Variants in TSHZ3 observed in about 807,000 individuals in gnomAD.
The protein encoded by TSHZ3 is teashirt zinc finger homeobox 3.
In TSHZ3, 10 loss-of-function variants were observed where a neutral mutation model predicts 64.5. The observed-to-expected ratio is 0.16, with a 90% CI of 0.10 to 0.26. The LOEUF is 0.26. Among genes scored for constraint, TSHZ3 ranks in the 10% least tolerant of loss-of-function variants. TSHZ3 has a pLI of 1.00. For missense variants in TSHZ3, 1,242 were observed against 1,421.7 expected (o/e 0.87, Z 2.03); for synonymous variants, 608 against 593.1 (o/e 1.03, Z -0.36).
At chr19:31,294,436 C>T (rs1052970428) in intron 1 of TSHZ3, among the ~76,000 whole-genome samples, 2 of 152,088 alleles carry the variant, frequency 1.3e-5, no homozygotes, top group Non-Finnish European at 2.9e-5. Flanking sequence ...CAGTACTCAG[C>T]ACTCACTCAG....
At chr19:31,260,210 C>T (rs908190686) in intron 1 of TSHZ3, among the ~76,000 whole-genome samples, 7 of 152,108 alleles carry the variant, frequency 4.6e-5, no homozygotes, top group African/African-American at 7.2e-5. Context: ...GCAACTTCTA[C>T]TCCCCTCTGC....
At chr19:31,315,118 T>TC (rs1256732054) in intron 1 of TSHZ3, among the ~76,000 whole-genome samples, 17 of 152,192 alleles carry the variant, frequency 1.1e-4, no homozygotes, top group Non-Finnish European at 2.4e-4. Context: ...ACCTATGCTC[T>TC]CCCCGAGCGG....
At chr19:31,252,211 G>A (rs2145192280) in intron 1 of TSHZ3, among the ~76,000 whole-genome samples, 1 of 152,322 alleles carries the variant, frequency 6.6e-6, no homozygotes, top group East Asian at 1.9e-4. Context: ...TGCTCCCTCA[G>A]GCTTCAGGGG....
rs370354634 is a variant in TSHZ3, at chr19:31,278,393, T to C, written c.1400A>G (p.Asn467Ser). 18 of 1,614,066 alleles carry C rather than the reference T, an allele frequency of 1.1e-5. No individual in the cohort carries two copies. Among genetic ancestry groups the C allele is most frequent in the Non-Finnish European group, 1.5e-5 (18 of 1,180,016 alleles). The change falls in exon 2 of 2, where the codon AAT (asparagine) becomes AGT (serine). Residue 467 changes from asparagine (N) to serine (S), a missense_variant. By Grantham distance (46) the Asn-to-Ser change is conservative. Around this residue, in one of 4 missense-constraint regions of TSHZ3, gnomAD observed 555 missense variants for 704.0 expected, o/e 0.79. Transcript: ENST00000240587. The surrounding 1 kb of genome is among the most constrained non-coding windows in gnomAD (Gnocchi z 4.7). Reference sequence around the variant, plus strand: ...GTCGACTTCCTTCTTGACCTCCACATTCAGTTTTGGGGAGATGCTGGCAGG... The same window carrying C: ...GTCGACTTCCTTCTTGACCTCCACACTCAGTTTTGGGGAGATGCTGGCAGG... The part of the protein sequence containing the change: ...NTPASISPKL[N>S]VEVKKEVDKE...
At chr19:31,200,334 A>G (rs1035998976) in intron 5 of TSHZ3, among the ~76,000 whole-genome samples, 13 of 152,218 alleles carry the variant, frequency 8.5e-5, no homozygotes, top group Admixed American at 5.2e-4. Flanking sequence ...GTTCTTGAGT[A>G]GGTGAATGGA....
At chr19:31,248,741 G>T (rs1455956008) in intron 1 of TSHZ3, among the ~76,000 whole-genome samples, 1 of 147,848 alleles carries the variant, frequency 6.8e-6, no homozygotes, top group Non-Finnish European at 1.5e-5. Context: ...CAGTAGCCAT[G>T]ATCGCACCAC....
At chr19:31,150,716 T>C (rs528282007) in exon 7 of TSHZ3, among the ~76,000 whole-genome samples, 19 of 152,300 alleles carry the variant, frequency 1.2e-4, no homozygotes, top group Admixed American at 7.8e-4. Context: ...AAAAGGGCTA[T>C]TTAGCCACCT....
intron 1 of TSHZ3, among the ~76,000 whole-genome samples, chr19:31,310,287 C>T (rs767745560): frequency 1.1e-4 from 16 of 152,102 alleles, no homozygotes; most frequent in Non-Finnish European, 1.9e-4. Flanking sequence ...TCGAGTGACC[C>T]AAAGCAAAGA....
At chr19:31,293,084 T>C (rs549350086) in intron 1 of TSHZ3, among the ~76,000 whole-genome samples, 4 of 151,280 alleles carry the variant, frequency 2.6e-5, no homozygotes, top group Non-Finnish European at 5.9e-5. Flanking sequence ...CAAAAATCCA[T>C]CCATCCATCC....
intron 5 of TSHZ3, among the ~76,000 whole-genome samples, chr19:31,179,088 C>G (rs978565140): frequency 1.3e-5 from 2 of 151,896 alleles, no homozygotes; most frequent in African/African-American, 4.8e-5. Context: ...AGTGGGAAAC[C>G]CAGGACACAC....
Position 31,332,241 on chromosome 19 carries a change from A to C in TSHZ3, c.40+16939T>G, listed in dbSNP as rs372784324. ...TCTGGAATTTCATGATATGTTTAGT[A>C]ATTGATTACAGAGACACAACCCAGA... is the stretch of plus-strand genomic sequence containing the variant. On this transcript the variant is annotated intron_variant, in intron 1 of 1. Coordinates refer to ENST00000240587, the MANE Select transcript of TSHZ3 (RefSeq NM_020856.4). Among the ~76,000 whole-genome samples the C allele has an allele frequency of 4.6e-5, 7 of 152,204 alleles. No homozygotes were observed. In the East Asian group the frequency reaches 5.8e-4, roughly 13 times the overall value.
intron 1 of TSHZ3, among the ~76,000 whole-genome samples, chr19:31,285,886 T>C (rs1424281437): frequency 1.3e-5 from 2 of 150,524 alleles, no homozygotes; most frequent in Non-Finnish European, 1.5e-5. Flanking sequence ...GCAAATAAGA[T>C]GGGAACCTCT....
At chr19:31,170,270 G>C (rs1974518752) in intron 5 of TSHZ3, among the ~76,000 whole-genome samples, 1 of 152,144 alleles carries the variant, frequency 6.6e-6, no homozygotes, top group Admixed American at 6.5e-5. Flanking sequence ...TCCCTGGTGA[G>C]TCCTCACATA....
At chr19:31,245,626 A>G (rs930535259) in intron 1 of TSHZ3, among the ~76,000 whole-genome samples, 1 of 150,610 alleles carries the variant, frequency 6.6e-6, no homozygotes, top group Admixed American at 6.6e-5. Context: ...ACATGTGAAA[A>G]TCATTGCTCC....
At chr19:31,197,563 G>A (rs1465383355) in intron 5 of TSHZ3, among the ~76,000 whole-genome samples, 3 of 151,482 alleles carry the variant, frequency 2.0e-5, no homozygotes, top group Non-Finnish European at 4.4e-5. Flanking sequence ...AAAAACCGGT[G>A]CCCCAGCTAA....
downstream of TSHZ3, among the ~76,000 whole-genome samples, chr19:31,272,902 C>G (rs796943635): frequency 4.6e-5 from 7 of 152,318 alleles, 1 homozygote; most frequent in African/African-American, 1.7e-4. Flanking sequence ...AACATCCCCC[C>G]TCCTCCCTGC....
At chr19:31,324,499 C>T (rs907384086) in intron 1 of TSHZ3, among the ~76,000 whole-genome samples, 1 of 152,232 alleles carries the variant, frequency 6.6e-6, no homozygotes, top group African/African-American at 2.4e-5. Context: ...AGCATTGAGA[C>T]AGCTTTCCTT....
chr19:31,267,711 A>G (rs1190275842), intron 1 of TSHZ3, among the ~76,000 whole-genome samples: 1 of 151,996 alleles, frequency 6.6e-6, no homozygotes, highest in Non-Finnish European at 1.5e-5. Flanking sequence ...GGAGTCACAC[A>G]GGGGTGAGGG....
chr19:31,264,860 C>T (rs1051844958), intron 1 of TSHZ3, among the ~76,000 whole-genome samples: 29 of 152,156 alleles, frequency 1.9e-4, no homozygotes, highest in Non-Finnish European at 1.2e-4. Context: ...GAAGGTTCCT[C>T]TTTCTAGTAA....
Sources: gnomAD v4.1 joint callset for allele counts (sites outside exome capture counted in the v4.1 genomes callset) on GRCh38, gnomAD v4.1.1 for gene constraint, gnomAD v4.1.1 regional missense constraint, Gnocchi (gnomAD v3.1) non-coding constraint, MANE v1.5 for transcripts, NCBI Gene and HGNC (gene_info 2026-07-23, HGNC 2026-07-21) for gene names.